Variants in GATA4 observed in about 807,000 individuals in gnomAD.
The protein encoded by GATA4 is GATA binding protein 4.
Under a neutral mutation model 37.9 loss-of-function variants are expected in GATA4, and 7 were observed. That is an observed-to-expected ratio of 0.18 (90% confidence interval 0.11 to 0.35). GATA4 has a LOEUF of 0.35. GATA4 is among the 10% of genes least tolerant of loss of function. The pLI is 1.00. For synonymous variants in GATA4, 372 were observed against 292.6 expected (o/e 1.27, Z -2.77); for missense variants, 647 against 653.0 (o/e 0.99, Z 0.10).
intron 1 of GATA4, among the ~76,000 whole-genome samples, chr8:11,679,302 T>C (rs1422763023): frequency 1.3e-5 from 2 of 151,764 alleles, no homozygotes; most frequent in East Asian, 3.9e-4. Flanking sequence ...TTTCTGAAGG[T>C]TCTCAGACTC....
At chr8:11,753,773 G>C (rs1250754760) in intron 4 of GATA4, among the ~76,000 whole-genome samples, 1 of 152,208 alleles carries the variant, frequency 6.6e-6, no homozygotes, top group Non-Finnish European at 1.5e-5. Context: ...TAACCATTGC[G>C]TGTTCATGTC....
intron 2 of GATA4, among the ~76,000 whole-genome samples, chr8:11,725,777 T>C (rs1373307236): frequency 1.3e-5 from 2 of 152,220 alleles, no homozygotes; most frequent in Non-Finnish European, 2.9e-5. Context: ...GCAATCCATC[T>C]GGTACTGATG....
chr8:11,756,924 C>G lies in GATA4; in HGVS notation c.1001-11C>G, dbSNP rs759471171. 6.2e-7 allele frequency: 1 copy of G among 1,614,242 alleles called. No individual in the cohort carries two copies. Among genetic ancestry groups the G allele is most frequent in the Non-Finnish European group, 8.5e-7 (1 of 1,180,050 alleles). The stretch of plus-strand genomic sequence containing the variant: ...CGCTGATTTGGGTGTGCTGACTCTG[C>G]TTCATTCCAGCTCCTTCAGGCAGTG... On this transcript the variant is annotated splice_polypyrimidine_tract_variant and intron_variant, in intron 5 of 6. Transcript: ENST00000532059.
intron 4 of GATA4, among the ~76,000 whole-genome samples, chr8:11,753,428 G>A (rs1237598482): frequency 1.3e-5 from 2 of 151,764 alleles, no homozygotes; most frequent in Non-Finnish European, 2.9e-5. Context: ...TAACACTACA[G>A]AGCAATATAC....
Position 11,749,049 on chromosome 8 carries a change from C to T in GATA4, c.750C>T (p.Gly250=), listed in dbSNP as rs774249293. The T allele has an allele frequency of 5.6e-6, 9 of 1,614,216 alleles. No homozygotes were observed. Among genetic ancestry groups the T allele is most frequent in the Non-Finnish European group, 6.8e-6 (8 of 1,180,036 alleles). ...NACGLYHKMN[G]INRPLIKPQR... ...GCGGCCTCTACCACAAGATGAACGGCATCAACCGGCCGCTCATCAAGCCTC... is the reference window on the plus strand; with the variant it reads ...GCGGCCTCTACCACAAGATGAACGGTATCAACCGGCCGCTCATCAAGCCTC... The change falls in exon 3 of 7, where the codon GGC becomes GGT. Residue 250 remains glycine (G), a synonymous_variant. Transcript: ENST00000532059. The surrounding 1 kb of genome is among the most constrained non-coding windows in gnomAD (Gnocchi z 4.6).
chr8:11,756,717 C>T, intron 5 of GATA4: 3 of 615,904 alleles, frequency 4.9e-6, no homozygotes, highest in South Asian at 1.9e-5. Context: ...AGTTTTGAAG[C>T]CTGAAACACA....
At chr8:11,721,191 T>TG (rs1800657897) in intron 2 of GATA4, among the ~76,000 whole-genome samples, 1 of 151,054 alleles carries the variant, frequency 6.6e-6, no homozygotes, top group Admixed American at 6.6e-5. Flanking sequence ...GAAACTGGCC[T>TG]GGGCGCCTGA....
intron 2 of GATA4, among the ~76,000 whole-genome samples, chr8:11,728,829 C>A (rs1801067057): frequency 6.6e-6 from 1 of 152,182 alleles, no homozygotes; most frequent in Admixed American, 6.5e-5. Flanking sequence ...ACATTTAGGT[C>A]ATAGACCCCA....
At chr8:11,684,726 T>C (rs893984963) in intron 1 of GATA4, among the ~76,000 whole-genome samples, 1 of 152,238 alleles carries the variant, frequency 6.6e-6, no homozygotes, top group African/African-American at 2.4e-5. Context: ...TAATCATGTG[T>C]TCAGCTGGAT....
At chr8:11,688,148 T>C (rs142815460), upstream of GATA4, among the ~76,000 whole-genome samples, 31 of 152,246 alleles carry the variant, frequency 2.0e-4, no homozygotes, top group African/African-American at 7.5e-4. Flanking sequence ...GTGCAAGTTA[T>C]AAAGTGAAGC....
At chr8:11,720,452 T>C (rs1800622073) in intron 2 of GATA4, among the ~76,000 whole-genome samples, 2 of 152,178 alleles carry the variant, frequency 1.3e-5, no homozygotes, top group African/African-American at 4.8e-5. Flanking sequence ...CTTTTCTTTT[T>C]ACCTTTTATT....
intron 2 of GATA4, among the ~76,000 whole-genome samples, chr8:11,738,999 G>C (rs1218203233): frequency 6.6e-6 from 1 of 152,258 alleles, no homozygotes; most frequent in Non-Finnish European, 1.5e-5. Flanking sequence ...TAGAGTGGGA[G>C]GAACAGTTGG....
At chr8:11,704,181 C>T (rs565545047), upstream of GATA4, 1 of 152,336 alleles carries the variant, frequency 6.6e-6, no homozygotes, top group South Asian at 2.1e-4. Flanking sequence ...GTTGCTGGGC[C>T]GGGGACCCGA....
At chr8:11,679,497 T>G (rs973394997) in intron 1 of GATA4, among the ~76,000 whole-genome samples, 1 of 151,586 alleles carries the variant, frequency 6.6e-6, no homozygotes, top group Non-Finnish European at 1.5e-5. Context: ...GAGAGGAGAG[T>G]GGAGCCCTCT....
rs1184164811 is a variant in GATA4, at chr8:11,756,932, C to T, written c.1001-3C>T. The T allele has an allele frequency of 2.5e-6, 4 of 1,614,122 alleles. No homozygotes were observed. Among genetic ancestry groups the T allele is most frequent in the Admixed American group, 1.7e-5 (1 of 60,012 alleles). On this transcript the variant is annotated splice_polypyrimidine_tract_variant and splice_region_variant and intron_variant, in intron 5 of 6. Coordinates refer to ENST00000532059, the MANE Select transcript of GATA4 (RefSeq NM_001308093.3). ...TGGGTGTGCTGACTCTGCTTCATTC[C>T]AGCTCCTTCAGGCAGTGAGAGCCTT... is the stretch of plus-strand genomic sequence containing the variant.
chr8:11,704,833 C>T (rs2130044609), intron 1 of GATA4, among the ~76,000 whole-genome samples: 1 of 152,348 alleles, frequency 6.6e-6, no homozygotes, highest in African/African-American at 2.4e-5. Context: ...TGCTGAGTGG[C>T]GGAACTATTC....
chr8:11,748,227 A>G (rs146406575), intron 2 of GATA4, among the ~76,000 whole-genome samples: 5 of 152,194 alleles, frequency 3.3e-5, no homozygotes, highest in African/African-American at 7.2e-5. Context: ...TCAAAAAGAG[A>G]AAAGAAGTCT....
chr8:11,708,004 G>A lies in GATA4; in HGVS notation c.-309G>A, dbSNP rs983317518. ...GCCTGGACGCTGCCCTCCGTCTTCT[G>A]CCCCCAATAGGTGCGCCGGACCTTC... On this transcript the variant is annotated 5_prime_UTR_variant, in exon 2 of 7. Transcript: ENST00000532059. This position sits in a 1 kb window ranked among gnomAD's most constrained non-coding sequence, Gnocchi z 6.7. The A allele has an allele frequency of 1.4e-5, 6 of 419,752 alleles. No individual in the cohort carries two copies. The highest frequency in any genetic ancestry group is 7.3e-4 in the Middle Eastern group (1 of 1,372). 26.0% of individuals were successfully genotyped at this position (419,752 alleles called of 1,614,324 possible).
chr8:11,751,158 G>C (rs1173986400), intron 4 of GATA4, among the ~76,000 whole-genome samples: 1 of 152,112 alleles, frequency 6.6e-6, no homozygotes, highest in Non-Finnish European at 1.5e-5. Context: ...GATACCTAGG[G>C]AAAGTAAAGA....
Sources: gnomAD v4.1 joint callset for allele counts (sites outside exome capture counted in the v4.1 genomes callset) on GRCh38, gnomAD v4.1.1 for gene constraint, Gnocchi (gnomAD v3.1) non-coding constraint, MANE v1.5 for transcripts, NCBI Gene and HGNC (gene_info 2026-07-23, HGNC 2026-07-21) for gene names.